The following WNT2 variants were observed in gnomAD, a reference collection of about 807,000 sequenced individuals.
The protein encoded by WNT2 is Wnt family member 2, also known as protein Wnt-2.
A neutral mutation model predicts 36.9 loss-of-function variants in WNT2; 12 were observed. That is an observed-to-expected ratio of 0.33 (90% CI 0.21 to 0.53). The LOEUF is 0.53. WNT2 is among the 20% of genes least tolerant of loss of function. The probability of loss-of-function intolerance (pLI) is 0.95; values close to 1 mark genes in which losing one functional copy is unlikely to be tolerated. For missense variants in WNT2, 379 were observed against 473.1 expected, an observed-to-expected ratio of 0.80 and a Z score of 1.84; for synonymous variants, 163 against 174.6, an observed-to-expected ratio of 0.93 and a Z score of 0.52.
At chr7:117,293,472 A>AAG (rs1794729977) in intron 4 of WNT2, among the ~76,000 whole-genome samples, 1 of 152,224 alleles carries the variant, frequency 6.6e-6, no homozygotes, top group Non-Finnish European at 1.5e-5. Context: ...GCAATGATGG[A>AAG]AAGCAAAGAA....
chr7:117,292,793 T>G (rs1295655736), intron 4 of WNT2, among the ~76,000 whole-genome samples: 1 of 152,104 alleles, frequency 6.6e-6, no homozygotes, highest in Non-Finnish European at 1.5e-5. Flanking sequence ...TGGGAGATGT[T>G]TTTTGGGAGA....
At position 117,278,354 on chromosome 7, in the gene WNT2, T is replaced by C; in HGVS notation, c.884A>G (p.Asn295Ser). The change falls in exon 5 of 5, where the codon AAC (asparagine) becomes AGC (serine). Residue 295 changes from asparagine to serine, a missense_variant. Asn to Ser is a conservative substitution (Grantham distance 46). Coordinates refer to ENST00000265441, the MANE Select transcript of WNT2 (RefSeq NM_003391.3). Reference protein sequence around the residue: ...GSLGTAGRVCNLTSRGMDSCE... With the variant: ...GSLGTAGRVCSLTSRGMDSCE... ...GCTGTCCATGCCCCGGGAAGTCAGGTTGCACACACGGCCTGCTGTACCCAG... is the reference window on the plus strand; with the variant it reads ...GCTGTCCATGCCCCGGGAAGTCAGGCTGCACACACGGCCTGCTGTACCCAG... 6.2e-7 allele frequency: 1 copy of C among 1,613,906 alleles called. No homozygotes were observed. The highest frequency in any genetic ancestry group is 8.5e-7 in the Non-Finnish European group (1 of 1,179,946).
At position 117,320,691 on chromosome 7, in the gene WNT2, C is replaced by G. The variant is rs1455446350; in HGVS notation, c.186G>C (p.Met62Ile). 4 of 1,613,944 alleles carry G rather than the reference C, an allele frequency of 2.5e-6. No homozygotes were observed. In the African/African-American group the frequency reaches 5.3e-5, roughly 22 times the overall value. The change falls in exon 2 of 5, where the codon ATG (methionine) becomes ATC (isoleucine). Residue 62 changes from methionine (M) to isoleucine (I), a missense_variant. By Grantham distance (10) the Met-to-Ile change is conservative. Transcript: ENST00000265441. ...RQLCHRHPDV[M>I]RAISQGVAEW... ...CGGCCACGCCCTGGCTAATGGCACGCATCACATCTGGATGTCGGTGACACA... is the reference window on the plus strand; with the variant it reads ...CGGCCACGCCCTGGCTAATGGCACGGATCACATCTGGATGTCGGTGACACA...
intron 3 of WNT2, among the ~76,000 whole-genome samples, chr7:117,303,249 G>A (rs930248743): frequency 1.3e-5 from 2 of 152,186 alleles, no homozygotes; most frequent in Admixed American, 1.3e-4. Flanking sequence ...GCCTATGGAG[G>A]GTTACAGCGG....
At position 117,322,529 on chromosome 7, in the gene WNT2, G is replaced by A. The variant is rs1159641634; in HGVS notation, c.83+378C>T. On this transcript the variant is annotated intron_variant, in intron 1 of 4. Transcript: ENST00000265441. The surrounding 1 kb of genome is among the most constrained non-coding windows in gnomAD (Gnocchi z 5.4). Reference sequence around the variant, plus strand: ...GGGGGAGGCGGTTGTAGTTTTCAAGGTGAATTTACACACACACACACACAC... The same window carrying A: ...GGGGGAGGCGGTTGTAGTTTTCAAGATGAATTTACACACACACACACACAC... Among the ~76,000 whole-genome samples the A allele has an allele frequency of 1.0e-5, 1 of 95,272 alleles. No individual in the cohort carries two copies. The highest frequency in any genetic ancestry group is 2.1e-5 in the Non-Finnish European group (1 of 48,096). 62.5% of individuals were successfully genotyped at this position (95,272 alleles called of 152,430 possible). A position where few individuals can be genotyped will look rare whatever the true frequency, so the allele number is the denominator to read the frequency against.
Position 117,320,791 on chromosome 7 carries a change from T to C in WNT2, c.86A>G (p.Tyr29Cys). 1 of 1,607,978 alleles carries C rather than the reference T, an allele frequency of 6.2e-7. No homozygotes were observed. Among genetic ancestry groups the C allele is most frequent in the Non-Finnish European group, 8.5e-7 (1 of 1,178,614 alleles). ...LTPEVNSSWWYMRATGGSSRV... is the reference protein window; with the variant it reads ...LTPEVNSSWWCMRATGGSSRV... ...GGAGGAGCCACCTGTAGCTCTCATG[T>C]ACCTATAAGGGACCAACCAACACAG... The change falls in exon 2 of 5, where the codon TAC becomes TGC. Residue 29 changes from tyrosine to cysteine, a missense_variant and splice_region_variant. Transcript: ENST00000265441.
At chr7:117,301,802 CTTTTTTTTT>C (rs1181700612) in intron 3 of WNT2, among the ~76,000 whole-genome samples, 8 of 112,510 alleles carry the variant, frequency 7.1e-5, no homozygotes, top group East Asian at 2.4e-4. Flanking sequence ...TCCCTCCATT[CTTTTTTTTT>C]TTTTTTTTTT....
chr7:117,293,039 T>C (rs1453854168), intron 4 of WNT2, among the ~76,000 whole-genome samples: 1 of 152,082 alleles, frequency 6.6e-6, no homozygotes, highest in Admixed American at 6.6e-5. Context: ...AGAGGATCAC[T>C]TGAGCTCAGG....
At chr7:117,308,206 C>T (rs1389138703) in intron 3 of WNT2, among the ~76,000 whole-genome samples, 1 of 152,158 alleles carries the variant, frequency 6.6e-6, no homozygotes, top group African/African-American at 2.4e-5. Flanking sequence ...AAAAATTGTG[C>T]AGCTGATTTG....
intron 3 of WNT2, among the ~76,000 whole-genome samples, chr7:117,306,847 CTT>C (rs1454336346): frequency 1.3e-5 from 2 of 152,188 alleles, no homozygotes; most frequent in East Asian, 1.9e-4. Context: ...CAGCAGGACT[CTT>C]TTGGTGTTTA....
chr7:117,292,823 A>G (rs1794715533), intron 4 of WNT2, among the ~76,000 whole-genome samples: 1 of 152,242 alleles, frequency 6.6e-6, no homozygotes, highest in Non-Finnish European at 1.5e-5. Flanking sequence ...AGAGTTATCT[A>G]GTTTTCCTTA....
chr7:117,298,605 C>A (rs1221334123), intron 3 of WNT2, among the ~76,000 whole-genome samples: 1 of 152,100 alleles, frequency 6.6e-6, no homozygotes, highest in Non-Finnish European at 1.5e-5. Context: ...CGGCTGGCTC[C>A]CAATATAGAG....
At chr7:117,299,636 G>C (rs1034187419) in intron 3 of WNT2, among the ~76,000 whole-genome samples, 12 of 151,916 alleles carry the variant, frequency 7.9e-5, no homozygotes, top group Admixed American at 2.6e-4. Flanking sequence ...AGGACTACAG[G>C]TGCATGCCAC....
chr7:117,275,769 G>A lies in WNT2; in HGVS notation c.*2386C>T, dbSNP rs551003614. 2.0e-4 allele frequency among the ~76,000 whole-genome samples: 30 copies of A among 152,242 alleles called. No individual in the cohort carries two copies. Among genetic ancestry groups the A allele is most frequent in the South Asian group, 8.3e-4 (4 of 4,814 alleles). On this transcript the variant is annotated 3_prime_UTR_variant, in exon 5 of 5. Coordinates refer to ENST00000265441, the MANE Select transcript of WNT2 (RefSeq NM_003391.3). Reference sequence around the variant, plus strand: ...ATTTCCTCTTTCAGAAGTAAAAGCCGATAGCAATATTTCATTCTCTTATTT... The same window carrying A: ...ATTTCCTCTTTCAGAAGTAAAAGCCAATAGCAATATTTCATTCTCTTATTT...
In WNT2 at chr7:117,277,982, A is replaced by G. The variant is rs992014808; in HGVS notation, c.*173T>C. ...ATAGAATAGGGTAGGCTTTAGGTGC[A>G]GCGTGTGGCCCCCCCATCCTGGGGC... On this transcript the variant is annotated 3_prime_UTR_variant, in exon 5 of 5. Transcript: ENST00000265441. 1.5e-6 allele frequency: 1 copy of G among 646,006 alleles called. No homozygotes were observed. The highest frequency in any genetic ancestry group is 2.7e-5 in the East Asian group (1 of 36,550). 40.0% of individuals were successfully genotyped at this position (646,006 alleles called of 1,614,324 possible).
chr7:117,298,473 CAA>C (rs1794837555), intron 3 of WNT2, among the ~76,000 whole-genome samples: 1 of 152,118 alleles, frequency 6.6e-6, no homozygotes, highest in Non-Finnish European at 1.5e-5. Flanking sequence ...GGCTGTACTG[CAA>C]AGTCAGTTAG....
At chr7:117,321,819 T>C (rs1303214886) in intron 1 of WNT2, among the ~76,000 whole-genome samples, 1 of 152,242 alleles carries the variant, frequency 6.6e-6, no homozygotes, top group Non-Finnish European at 1.5e-5. Context: ...TCTTTGATCC[T>C]GTGTCAGCAA....
At chr7:117,288,140 A>T (rs1794619455) in intron 4 of WNT2, among the ~76,000 whole-genome samples, 1 of 152,214 alleles carries the variant, frequency 6.6e-6, no homozygotes, top group Non-Finnish European at 1.5e-5. Flanking sequence ...TGGTATATGG[A>T]AAACACATAC....
Position 117,297,859 on chromosome 7 carries a change from C to T in WNT2, c.606G>A (p.Leu202=), listed in dbSNP as rs1224595676. ...RAGRKAVKRF[L]KQECKCHGVS... is the part of the protein sequence containing the mutation. ...CCCCGTGGCACTTGCACTCTTGTTTCAAGAACCGCTTTACAGCCTGCCGAA... is the reference window on the plus strand; with the variant it reads ...CCCCGTGGCACTTGCACTCTTGTTTTAAGAACCGCTTTACAGCCTGCCGAA... The change falls in exon 4 of 5, where the codon TTG becomes TTA. Residue 202 remains leucine (L), a synonymous_variant. Transcript: ENST00000265441. 6.2e-7 allele frequency: 1 copy of T among 1,612,498 alleles called. No homozygotes were observed. Among genetic ancestry groups the T allele is most frequent in the South Asian group, 1.1e-5 (1 of 91,014 alleles).
Sources: gnomAD v4.1 joint callset for allele counts (sites outside exome capture counted in the v4.1 genomes callset) on GRCh38, gnomAD v4.1.1 for gene constraint, Gnocchi (gnomAD v3.1) non-coding constraint, MANE v1.5 for transcripts, NCBI Gene and HGNC (gene_info 2026-07-23, HGNC 2026-07-21) for gene names.